The following AUTS2 variants were observed in gnomAD, a reference collection of about 807,000 sequenced individuals.
AUTS2 encodes the protein autism susceptibility gene 2 protein.
AUTS2 carries 17 observed loss-of-function variants against 112.4 expected under a neutral mutation model. The observed-to-expected ratio is 0.15, with a 90% CI of 0.10 to 0.23. The LOEUF is 0.23. AUTS2 is among the 10% of genes least tolerant of loss of function. The pLI, the probability that AUTS2 is intolerant of heterozygous loss-of-function variation, is 1.00. For missense variants in AUTS2, 1,510 were observed against 1,701.6 expected (o/e 0.89, Z 1.98); for synonymous variants, 751 against 702.7 (o/e 1.07, Z -1.09).
chr7:70,745,148 G>A (rs917242332), intron 6 of AUTS2, among the ~76,000 whole-genome samples: 2 of 151,892 alleles, frequency 1.3e-5, no homozygotes, highest in South Asian at 2.1e-4. Context: ...TATGTATCCC[G>A]ATTGTATTTC....
At chr7:69,931,582 G>T (rs1584460115) in intron 2 of AUTS2, among the ~76,000 whole-genome samples, 1 of 152,250 alleles carries the variant, frequency 6.6e-6, no homozygotes, top group East Asian at 1.9e-4. Context: ...AGACTTATTG[G>T]ATCTCCGTTT....
intron 1 of AUTS2, among the ~76,000 whole-genome samples, chr7:69,605,696 A>G (rs988505977): frequency 1.3e-5 from 2 of 152,224 alleles, no homozygotes; most frequent in Admixed American, 6.5e-5. Flanking sequence ...TTGCTGTTAC[A>G]TAGCCAGGAA....
At position 70,045,138 on chromosome 7, in the gene AUTS2, T is replaced by A. The variant is rs187990705; in HGVS notation, c.523-72994T>A. Among the ~76,000 whole-genome samples, 112 of 152,300 alleles carry A rather than the reference T, an allele frequency of 7.4e-4. 1 individual carries two copies. In the Middle Eastern group the frequency reaches 0.014, roughly 19 times the overall value. On this transcript the variant is annotated intron_variant, in intron 2 of 18. Transcript: ENST00000342771. ...GCCATTAGAAGGTATTACATAGATG[T>A]GATCTTTTTCATTGTAGTTTAAAGA...
intron 5 of AUTS2, among the ~76,000 whole-genome samples, chr7:70,549,608 C>T (rs1800934756): frequency 6.6e-6 from 1 of 152,244 alleles, no homozygotes; most frequent in East Asian, 1.9e-4. Context: ...AGGAGAATCA[C>T]TTGAAACCAG....
chr7:69,867,964 A>G (rs552633819), intron 1 of AUTS2, among the ~76,000 whole-genome samples: 2 of 152,316 alleles, frequency 1.3e-5, no homozygotes, highest in South Asian at 4.1e-4. Context: ...AAAAAATCAT[A>G]TAGGAAATTC....
chr7:70,216,322 T>A (rs1469521307), intron 4 of AUTS2, among the ~76,000 whole-genome samples: 1 of 152,222 alleles, frequency 6.6e-6, no homozygotes, highest in Non-Finnish European at 1.5e-5. Context: ...CCCTACTACT[T>A]GCTTAATGTT....
chr7:70,416,715 C>G (rs923089787), intron 4 of AUTS2, among the ~76,000 whole-genome samples: 3 of 152,214 alleles, frequency 2.0e-5, no homozygotes. Context: ...ACAGCCCTGC[C>G]GACGCAGCGC....
At chr7:69,967,965 A>G (rs1797698579) in intron 2 of AUTS2, among the ~76,000 whole-genome samples, 1 of 152,208 alleles carries the variant, frequency 6.6e-6, no homozygotes, top group African/African-American at 2.4e-5. Flanking sequence ...ATGAAGCACA[A>G]GCTCTTTGCT....
chr7:70,254,772 T>C (rs1402564337), intron 4 of AUTS2, among the ~76,000 whole-genome samples: 1 of 152,212 alleles, frequency 6.6e-6, no homozygotes, highest in Non-Finnish European at 1.5e-5. Context: ...TCTCACAGTC[T>C]AGAACAGATG....
At chr7:69,848,636 T>G (rs1361824168) in intron 1 of AUTS2, among the ~76,000 whole-genome samples, 3 of 152,196 alleles carry the variant, frequency 2.0e-5, no homozygotes, top group Admixed American at 2.0e-4. Flanking sequence ...TATTGGTCTC[T>G]GCTCTGCGTG....
At chr7:70,342,338 CG>C (rs1274735639) in intron 4 of AUTS2, among the ~76,000 whole-genome samples, 3 of 142,870 alleles carry the variant, frequency 2.1e-5, no homozygotes, top group Non-Finnish European at 4.6e-5. Context: ...TTTTTTTTTG[CG>C]GGGGGGAAGT....
intron 2 of AUTS2, among the ~76,000 whole-genome samples, chr7:69,964,148 T>TA (rs1797539354): frequency 6.6e-6 from 1 of 152,122 alleles, no homozygotes; most frequent in Non-Finnish European, 1.5e-5. Context: ...ATACATATAA[T>TA]ACAGTTACAG....
At chr7:70,285,598 C>T (rs1030185716) in intron 4 of AUTS2, among the ~76,000 whole-genome samples, 1 of 152,034 alleles carries the variant, frequency 6.6e-6, no homozygotes, top group African/African-American at 2.4e-5. Context: ...TTTTTTGTCT[C>T]CCTGAAATCT....
At position 70,785,939 on chromosome 7, in the gene AUTS2, C is replaced by CCCATCTTGT; in HGVS notation, c.2225-15_2225-7dup. On this transcript the variant is annotated splice_polypyrimidine_tract_variant and intron_variant, in intron 16 of 18. Transcript: ENST00000342771. ...AGAGCCCCTGACCATTTCCTTCTTCCCCATCTTGTTTGCAGAGCCTTTTAA... is the reference window on the plus strand; with the variant it reads ...AGAGCCCCTGACCATTTCCTTCTTCCCCATCTTGTCCATCTTGTTTGCAGAGCCTTTTAA... The CCCATCTTGT allele has an allele frequency of 6.2e-7, 1 of 1,613,196 alleles. No homozygotes were observed. The highest frequency in any genetic ancestry group is 1.1e-5 in the South Asian group (1 of 91,030).
chr7:69,962,436 T>G (rs902520264), intron 2 of AUTS2, among the ~76,000 whole-genome samples: 11 of 152,322 alleles, frequency 7.2e-5, no homozygotes, highest in Middle Eastern at 3.4e-3. Context: ...TACACATTTA[T>G]CATGGGATGT....
chr7:70,610,889 C>G (rs1422433489), intron 5 of AUTS2, among the ~76,000 whole-genome samples: 1 of 151,994 alleles, frequency 6.6e-6, no homozygotes, highest in Non-Finnish European at 1.5e-5. Context: ...GATATTAACC[C>G]CTTATCAGAT....
intron 4 of AUTS2, among the ~76,000 whole-genome samples, chr7:70,140,520 A>G (rs1806805467): frequency 6.6e-6 from 1 of 152,176 alleles, no homozygotes; most frequent in Admixed American, 6.5e-5. Context: ...AGCTCCATCC[A>G]AAGCAGAAGA....
At position 70,062,678 on chromosome 7, in the gene AUTS2, T is replaced by C. The variant is rs1004051071; in HGVS notation, c.523-55454T>C. On this transcript the variant is annotated intron_variant, in intron 2 of 18. Transcript: ENST00000342771. ...GTGCTTCTCTCTCATGTTACGCATG[T>C]TTCTAAGCTCTTGGTTGGAATCTGT... Among the ~76,000 whole-genome samples the C allele has an allele frequency of 2.6e-5, 4 of 152,226 alleles. No homozygotes were observed. In the East Asian group the frequency reaches 7.7e-4, roughly 29 times the overall value.
rs116810696 is a variant in AUTS2, at chr7:70,301,131, A to G, written c.661-134621A>G. Reference sequence around the variant, plus strand: ...ACCATAATTCAAACTGAGGTTTCCTATAAGTTCTGTGTTATATTTTATTTG... The same window carrying G: ...ACCATAATTCAAACTGAGGTTTCCTGTAAGTTCTGTGTTATATTTTATTTG... On this transcript the variant is annotated intron_variant, in intron 4 of 18. Coordinates refer to ENST00000342771, the MANE Select transcript of AUTS2 (RefSeq NM_015570.4). 8.1e-3 allele frequency among the ~76,000 whole-genome samples: 1,238 copies of G among 152,318 alleles called. 17 individuals carry two copies. The highest frequency in any genetic ancestry group is 0.028 in the African/African-American group (1,157 of 41,564).
Sources: allele counts gnomAD v4.1 joint callset (sites outside exome capture counted in the v4.1 genomes callset), GRCh38; gene constraint gnomAD v4.1.1; transcripts MANE v1.5; gene names NCBI Gene and HGNC (gene_info 2026-07-23, HGNC 2026-07-21).